PANK4: variants seen among roughly 807,000 people sequenced by gnomAD.
PANK4 encodes the protein 4'-phosphopantetheine phosphatase.
Under a neutral mutation model 87.9 loss-of-function variants are expected in PANK4, and 40 were observed. The ratio of observed to expected loss-of-function variants is 0.46; its 90% CI spans 0.35 to 0.59. The LOEUF (loss-of-function observed/expected upper bound fraction) is 0.59, where lower values mean the gene tolerates loss of function less well. Among genes scored for constraint, PANK4 ranks in the 20% least tolerant of loss-of-function variants. The probability of loss-of-function intolerance (pLI) is 0.00; values close to 1 mark genes in which losing one functional copy is unlikely to be tolerated. For missense variants in PANK4, 926 were observed against 1,072.3 expected, an observed-to-expected ratio of 0.86 and a Z score of 1.90; for synonymous variants, 524 against 467.4, an observed-to-expected ratio of 1.12 and a Z score of -1.56.
rs151240697 is a variant in PANK4 at position 2,511,373 on chromosome 1, C to G, written c.1798G>C (p.Val600Leu). Residue 600 changes from valine (V) to leucine (L), a missense_variant, in exon 15 of 19, where the codon GTG becomes CTG. Val to Leu is a conservative substitution (Grantham distance 32). Coordinates refer to ENST00000378466, the MANE Select transcript of PANK4 (RefSeq NM_018216.4). ...TGAAGCCACTCGCTGTAGGAATCCA[C>G]GAGCCAGGGTCTTTCTGAGACAGAG... is the stretch of plus-strand genomic sequence containing the variant. ...KRKLQERPWL[V>L]DSYSEWLQRL... 6 of 1,610,510 alleles carry G rather than the reference C, an allele frequency of 3.7e-6. No individual in the cohort carries two copies. In the African/African-American group the frequency reaches 5.3e-5, roughly 14 times the overall value.
At chr1:2,511,740 A>G (rs1314566682) in intron 13 of PANK4, 57 bp from the exon 14 acceptor site, 1 of 1,076,480 alleles carries the variant, frequency 9.3e-7, no homozygotes, top group Non-Finnish European at 1.4e-6. Context: ...CTTCAGCCAC[A>G]GTGCTCAATG....
rs370426608 is a variant in PANK4, at chr1:2,520,269, G to A, written c.699+53C>T. On this transcript the variant is annotated intron_variant, in intron 5 of 18. Transcript: ENST00000378466. This position sits in a 1 kb window ranked among gnomAD's most constrained non-coding sequence, Gnocchi z 6.2. ...GCCCAGCTGCAGGCCTTCGGGGGAA[G>A]GAAGCAGACATCTCCGCAGACCCCT... The A allele has an allele frequency of 2.6e-6, 4 of 1,529,856 alleles. No individual in the cohort carries two copies. The highest frequency in any genetic ancestry group is 1.7e-4 in the Middle Eastern group (1 of 5,870). 94.8% of individuals were successfully genotyped at this position (1,529,856 alleles called of 1,614,324 possible).
At position 2,509,399 on chromosome 1, in the gene PANK4, A is replaced by G. The variant is rs190432334; in HGVS notation, c.2109-339T>C. ...ACTGGAGAATCCCACCAGGCAGAGC[A>G]GACCAGCGGCCCCAGCACTCAGAAC... On this transcript the variant is annotated intron_variant, in intron 18 of 18. Transcript: ENST00000378466. The surrounding 1 kb of genome is among the most constrained non-coding windows in gnomAD (Gnocchi z 4.9). Among the ~76,000 whole-genome samples the G allele has an allele frequency of 1.1e-4, 16 of 152,334 alleles. No homozygotes were observed. Among genetic ancestry groups the G allele is most frequent in the African/African-American group, 3.8e-4 (16 of 41,574 alleles).
rs147448765 is a variant in PANK4, at chr1:2,521,723, C to T, written c.202G>A (p.Gly68Arg). 1.5e-4 allele frequency: 250 copies of T among 1,613,444 alleles called. No homozygotes were observed. Among genetic ancestry groups the T allele is most frequent in the Non-Finnish European group, 1.9e-4 (225 of 1,179,660 alleles). Reference protein sequence around the residue: ...VAKVRSFDHSGKDTEREHEPP... With the variant: ...VAKVRSFDHSRKDTEREHEPP... ...TGGCCACAGTGCAGGCTCACCTTTC[C>T]GGAGTGGTCGAAAGACCGCACCTTG... The change falls in exon 2 of 19, where the codon GGA (glycine) becomes AGA (arginine). Residue 68 changes from glycine (G) to arginine (R), a missense_variant. By Grantham distance (125) the Gly-to-Arg change is moderately radical. Transcript: ENST00000378466.
rs761712931 is a variant in PANK4 at position 2,521,331 on chromosome 1, G to C, written c.208-16C>G. 15 of 1,600,694 alleles carry C rather than the reference G, an allele frequency of 9.4e-6. No homozygotes were observed. The highest frequency in any genetic ancestry group is 1.3e-5 in the Non-Finnish European group (15 of 1,168,242). The stretch of plus-strand genomic sequence containing the variant: ...GTTCTGTGTCCTGGAAAACAGAGTA[G>C]GGGAGGCCGCATGTGTGTGGGACAC... On this transcript the variant is annotated splice_polypyrimidine_tract_variant and intron_variant, in intron 2 of 18. Coordinates refer to ENST00000378466, the MANE Select transcript of PANK4 (RefSeq NM_018216.4).
Position 2,519,112 on chromosome 1 carries a change from T to G in PANK4, c.1035+31A>C. On this transcript the variant is annotated intron_variant, in intron 7 of 18. Transcript: ENST00000378466. This position sits in a 1 kb window ranked among gnomAD's most constrained non-coding sequence, Gnocchi z 8.3. ...TGGGAAGATCCTGGGGGGTCTGCGT[T>G]AGAGGCTGGGGAGGGCGGCGCATCC... The G allele has an allele frequency of 6.3e-7, 1 of 1,596,290 alleles. No individual in the cohort carries two copies. The highest frequency in any genetic ancestry group is 8.6e-7 in the Non-Finnish European group (1 of 1,168,102).
At position 2,519,814 on chromosome 1, in the gene PANK4, G is replaced by A; in HGVS notation, c.840C>T (p.Ala280=). ...CGGGGTGAGCACCTTGGTCGGCGGT[G>A]GCCGACTTCCCGAAGCTGCTGGCGA... ...NLIASSFGKS[A]TADQEFSKED... Residue 280 remains alanine, a synonymous_variant, in exon 6 of 19, where the codon GCC becomes GCT. Transcript: ENST00000378466. The surrounding 1 kb of genome is among the most constrained non-coding windows in gnomAD (Gnocchi z 8.3). The A allele has an allele frequency of 1.3e-6, 2 of 1,579,664 alleles. No homozygotes were observed. The highest frequency in any genetic ancestry group is 1.7e-6 in the Non-Finnish European group (2 of 1,164,154).
At position 2,515,724 on chromosome 1, in the gene PANK4, G is replaced by C; in HGVS notation, c.1219-7C>G. 1 of 1,612,402 alleles carries C rather than the reference G, an allele frequency of 6.2e-7. No homozygotes were observed. The highest frequency in any genetic ancestry group is 8.5e-7 in the Non-Finnish European group (1 of 1,179,546). On this transcript the variant is annotated splice_polypyrimidine_tract_variant and splice_region_variant and intron_variant, in intron 9 of 18. Transcript: ENST00000378466. This position sits in a 1 kb window ranked among gnomAD's most constrained non-coding sequence, Gnocchi z 5.0. ...CCATTTCCAGCAAGTCAAACTGGAA[G>C]ACAGGCAGTGGCAGGGTGGAAACGT... is the stretch of plus-strand genomic sequence containing the variant.
Position 2,518,551 on chromosome 1 carries a change from G to A in PANK4, c.1082C>T (p.Ala361Val). The change falls in exon 8 of 19, where the codon GCC becomes GTC. Residue 361 changes from alanine (A) to valine (V), a missense_variant. Coordinates refer to ENST00000378466, the MANE Select transcript of PANK4 (RefSeq NM_018216.4). ...AGCTCCTTTCAGGAACGCTCCGATGGCTCCCAGGTAGCCTTCGTGCCTCAG... is the reference window on the plus strand; with the variant it reads ...AGCTCCTTTCAGGAACGCTCCGATGACTCCCAGGTAGCCTTCGTGCCTCAG... ...LFLRHEGYLG[A>V]IGAFLKGAEQ... 6.4e-7 allele frequency: 1 copy of A among 1,574,358 alleles called. No homozygotes were observed. The highest frequency in any genetic ancestry group is 8.6e-7 in the Non-Finnish European group (1 of 1,159,806).
Position 2,519,326 on chromosome 1 carries a change from T to C in PANK4, c.854-2A>G, listed in dbSNP as rs762742746. Reference sequence around the variant, plus strand: ...TCGCCATGTCTTCTTTGGAGAACTCTGAGGAAGGGAAGGAAAAGGCACTCA... The same window carrying C: ...TCGCCATGTCTTCTTTGGAGAACTCCGAGGAAGGGAAGGAAAAGGCACTCA... On this transcript the variant is annotated splice_acceptor_variant, in intron 6 of 18. Transcript: ENST00000378466. LOFTEE classifies it high-confidence loss of function. This position sits in a 1 kb window ranked among gnomAD's most constrained non-coding sequence, Gnocchi z 8.3. 1 of 1,598,358 alleles carries C rather than the reference T, an allele frequency of 6.3e-7. No individual in the cohort carries two copies. The highest frequency in any genetic ancestry group is 1.7e-5 in the Admixed American group (1 of 59,010).
chr1:2,519,801 C>A lies in PANK4; in HGVS notation c.853G>T (p.Glu285Ter). The part of the protein sequence containing the change: ...SFGKSATADQ[E>*]FSKEDMAKSL... ...TGGCGGCAGAGGCCGGGGTGAGCAC[C>A]TTGGTCGGCGGTGGCCGACTTCCCG... Residue 285 changes from glutamate to a stop codon, truncating the protein, a stop_gained and splice_region_variant, in exon 6 of 19, where the codon GAG becomes TAG. Coordinates refer to ENST00000378466, the MANE Select transcript of PANK4 (RefSeq NM_018216.4). LOFTEE classifies it high-confidence loss of function. This position sits in a 1 kb window ranked among gnomAD's most constrained non-coding sequence, Gnocchi z 8.3. The A allele has an allele frequency of 6.3e-7, 1 of 1,576,318 alleles. No homozygotes were observed.
At chr1:2,518,402 T>G in intron 8 of PANK4, 114 bp downstream of exon 8, 1 of 1,022,198 alleles carries the variant, frequency 9.8e-7, no homozygotes, top group East Asian at 2.6e-5. Flanking sequence ...TGTCACTTTC[T>G]GAGGACTCAC....
At chr1:2,514,790 G>C (rs182492002) in intron 10 of PANK4, among the ~76,000 whole-genome samples, 1 of 152,000 alleles carries the variant, frequency 6.6e-6, no homozygotes. Context: ...GACAGTTCAC[G>C]GTCACCCGAG....
At position 2,519,977 on chromosome 1, in the gene PANK4, G is replaced by A. The variant is rs771846856; in HGVS notation, c.700-23C>T. ...CTTCTGCAGGACACGGCGAGGGGGC[G>A]GGTGAGGCGCCAGGAGCTGCTGGAA... On this transcript the variant is annotated intron_variant, in intron 5 of 18. Coordinates refer to ENST00000378466, the MANE Select transcript of PANK4 (RefSeq NM_018216.4). The surrounding 1 kb of genome is among the most constrained non-coding windows in gnomAD (Gnocchi z 8.3). The A allele has an allele frequency of 4.1e-5, 62 of 1,530,444 alleles. No individual in the cohort carries two copies. Among genetic ancestry groups the A allele is most frequent in the Admixed American group, 8.1e-5 (4 of 49,206 alleles). 94.8% of individuals were successfully genotyped at this position (1,530,444 alleles called of 1,614,324 possible).
intron 1 of PANK4, chr1:2,526,057 G>A (rs1643919561): frequency 6.6e-6 from 1 of 152,354 alleles, no homozygotes; most frequent in South Asian, 2.1e-4. Flanking sequence ...CCAAATCTCA[G>A]GCCAGCCACC....
In PANK4 at chr1:2,509,088, T is replaced by C. The variant is rs754362483; in HGVS notation, c.2109-28A>G. ...TTGGGGAGGAAGAGGACGGTGAGAC[T>C]GGGCAAGCAGACCCCAGACCCCACT... On this transcript the variant is annotated intron_variant, in intron 18 of 18. Transcript: ENST00000378466. This position sits in a 1 kb window ranked among gnomAD's most constrained non-coding sequence, Gnocchi z 4.9. 1.3e-6 allele frequency: 2 copies of C among 1,557,298 alleles called. No homozygotes were observed.
chr1:2,519,969 G>C lies in PANK4; in HGVS notation c.700-15C>G, dbSNP rs1243533484. 6.5e-7 allele frequency: 1 copy of C among 1,538,720 alleles called. No homozygotes were observed. Among genetic ancestry groups the C allele is most frequent in the Non-Finnish European group, 8.8e-7 (1 of 1,137,428 alleles). Reference sequence around the variant, plus strand: ...TCGTCAAACTTCTGCAGGACACGGCGAGGGGGCGGGTGAGGCGCCAGGAGC... The same window carrying C: ...TCGTCAAACTTCTGCAGGACACGGCCAGGGGGCGGGTGAGGCGCCAGGAGC... On this transcript the variant is annotated splice_polypyrimidine_tract_variant and intron_variant, in intron 5 of 18. Coordinates refer to ENST00000378466, the MANE Select transcript of PANK4 (RefSeq NM_018216.4). This position sits in a 1 kb window ranked among gnomAD's most constrained non-coding sequence, Gnocchi z 8.3.
rs766622529 is a variant in PANK4, at chr1:2,519,707, T to C, written c.853+94A>G. 18 of 1,295,160 alleles carry C rather than the reference T, an allele frequency of 1.4e-5. 1 individual carries two copies. The Middle Eastern group carries it at 1.5e-3, about 109-fold the overall frequency. 80.2% of individuals were successfully genotyped at this position (1,295,160 alleles called of 1,614,324 possible). ...AAGACCCCGACTCTCCAGGGAGCAGTTGTGGGAAAGCAATGGTGGGGGAAG... is the reference window on the plus strand; with the variant it reads ...AAGACCCCGACTCTCCAGGGAGCAGCTGTGGGAAAGCAATGGTGGGGGAAG... On this transcript the variant is annotated intron_variant, in intron 6 of 18. Transcript: ENST00000378466. This position sits in a 1 kb window ranked among gnomAD's most constrained non-coding sequence, Gnocchi z 8.3.
In PANK4 at chr1:2,510,848, T is replaced by C; in HGVS notation, c.1834-66A>G. 1.1e-6 allele frequency: 1 copy of C among 934,228 alleles called. No homozygotes were observed. The highest frequency in any genetic ancestry group is 1.3e-5 in the South Asian group (1 of 76,796). The allele number at this position is 934,228 out of a possible 1,614,324, so 57.9% of individuals were successfully genotyped here. A position where few individuals can be genotyped will look rare whatever the true frequency, so the allele number is the denominator to read the frequency against. ...ATCCAAGCGAGTCAGTCCGCACCCC[T>C]GCTGCCCGTCACGCTGCCCTGCAGG... On this transcript the variant is annotated intron_variant, in intron 15 of 18. Coordinates refer to ENST00000378466, the MANE Select transcript of PANK4 (RefSeq NM_018216.4). The surrounding 1 kb of genome is among the most constrained non-coding windows in gnomAD (Gnocchi z 4.9).
Sources: gnomAD v4.1 joint callset for allele counts (sites outside exome capture counted in the v4.1 genomes callset) on GRCh38, gnomAD v4.1.1 for gene constraint, Gnocchi (gnomAD v3.1) non-coding constraint, MANE v1.5 for transcripts, NCBI Gene and HGNC (gene_info 2026-07-23, HGNC 2026-07-21) for gene names.